The following HNRNPD variants were observed in gnomAD, a reference collection of about 807,000 sequenced individuals.
The protein encoded by HNRNPD is heterogeneous nuclear ribonucleoprotein D0.
A neutral mutation model predicts 47.9 loss-of-function variants in HNRNPD; 3 were observed. The observed-to-expected ratio is 0.06, with a 90% CI of 0.03 to 0.16. HNRNPD has a LOEUF of 0.16. Among genes scored for constraint, HNRNPD ranks in the 10% least tolerant of loss-of-function variants. The probability of loss-of-function intolerance (pLI) is 1.00; values close to 1 mark genes in which losing one functional copy is unlikely to be tolerated. For missense variants in HNRNPD, 287 were observed against 454.2 expected (o/e 0.63, Z 3.35); for synonymous variants, 171 against 165.1 (o/e 1.04, Z -0.28).
chr4:82,370,193 G>A (rs1458900579), intron 2 of HNRNPD, among the ~76,000 whole-genome samples: 1 of 152,050 alleles, frequency 6.6e-6, no homozygotes, highest in Non-Finnish European at 1.5e-5. Context: ...ATGACAGTTG[G>A]TTACTATCTA....
At chr4:82,358,916 G>T (rs975383382) in intron 3 of HNRNPD, 96 bp from the exon 4 acceptor site, 2 of 908,442 alleles carry the variant, frequency 2.2e-6, no homozygotes, top group African/African-American at 3.4e-5. Context: ...TACAGATAAT[G>T]CCAAGCATAT....
In HNRNPD at chr4:82,373,198, C is replaced by A. The variant is rs763965622; in HGVS notation, c.233+248G>T. The A allele has an allele frequency of 3.0e-5, 21 of 689,002 alleles. No individual in the cohort carries two copies. In the Admixed American group the frequency reaches 4.1e-4, roughly 14 times the overall value. The allele number at this position is 689,002 out of a possible 1,614,324, so 42.7% of individuals were successfully genotyped here. A position where few individuals can be genotyped will look rare whatever the true frequency, so the allele number is the denominator to read the frequency against. ...GGCGAGGGAGGAAAGGAGGGCGGGC[C>A]GAGGAGCAGCATGGTGACGGCTAAA... On this transcript the variant is annotated intron_variant, in intron 1 of 8. Coordinates refer to ENST00000313899, the MANE Select transcript of HNRNPD (RefSeq NM_031370.3).
intron 2 of HNRNPD, among the ~76,000 whole-genome samples, chr4:82,360,753 T>C (rs1719367247): frequency 6.6e-6 from 1 of 152,168 alleles, no homozygotes; most frequent in African/African-American, 2.4e-5. Context: ...TTGTGGGCTT[T>C]TAAGATACTG....
rs547802582 is a variant in HNRNPD at position 82,372,596 on chromosome 4, A to G, written c.233+850T>C. On this transcript the variant is annotated intron_variant, in intron 1 of 8. Coordinates refer to ENST00000313899, the MANE Select transcript of HNRNPD (RefSeq NM_031370.3). ...GTACAATCTGTACTAACAGTTGGGG[A>G]ACCCAATAGCTGAGGGCGCGAAAAG... 6.2e-4 allele frequency among the ~76,000 whole-genome samples: 95 copies of G among 152,270 alleles called. 1 individual carries two copies.
chr4:82,370,906 T>C (rs368417288), intron 2 of HNRNPD, among the ~76,000 whole-genome samples: 1 of 151,566 alleles, frequency 6.6e-6, no homozygotes, highest in Admixed American at 6.6e-5. Context: ...TCCAGCCAAA[T>C]CACACTGAAA....
At chr4:82,372,842 G>C (rs1326342810) in intron 1 of HNRNPD, among the ~76,000 whole-genome samples, 1 of 152,180 alleles carries the variant, frequency 6.6e-6, no homozygotes, top group Non-Finnish European at 1.5e-5. Flanking sequence ...TTGTGCGATA[G>C]CGTATGGTGG....
intron 7 of HNRNPD, chr4:82,355,616 T>C (rs986637472): frequency 7.9e-5 from 44 of 558,746 alleles, no homozygotes; most frequent in East Asian, 4.4e-4. Flanking sequence ...ACTTGACTTA[T>C]TGTATAAAAT....
In HNRNPD at chr4:82,373,672, C is replaced by T; in HGVS notation, c.7G>A (p.Glu3Lys). The T allele has an allele frequency of 6.5e-7, 1 of 1,529,864 alleles. No individual in the cohort carries two copies. The highest frequency in any genetic ancestry group is 8.7e-7 in the Non-Finnish European group (1 of 1,144,892). The allele number at this position is 1,529,864 out of a possible 1,614,324, so 94.8% of individuals were successfully genotyped here. MS[E>K]EQFGGDGAAA... ...GCCCCGTCCCCGCCGAACTGCTCCT[C>T]CGACATAGTGCTAGTGTCTCCGCCG... The change falls in exon 1 of 9, where the codon GAG becomes AAG. Residue 3 changes from glutamate (E) to lysine (K), a missense_variant. By Grantham distance (56) the Glu-to-Lys change is moderately conservative. Coordinates refer to ENST00000313899, the MANE Select transcript of HNRNPD (RefSeq NM_031370.3).
chr4:82,359,225 TA>T (rs1723856280), intron 3 of HNRNPD, among the ~76,000 whole-genome samples: 1 of 152,180 alleles, frequency 6.6e-6, no homozygotes, highest in Non-Finnish European at 1.5e-5. Flanking sequence ...TCCTTTTAAC[TA>T]GGCATCTTTA....
chr4:82,363,609 A>G (rs1454221832), intron 2 of HNRNPD, among the ~76,000 whole-genome samples: 4 of 152,350 alleles, frequency 2.6e-5, no homozygotes, highest in Admixed American at 2.0e-4. Flanking sequence ...CAATAAGTTT[A>G]AACTTTGATC....
At position 82,352,919 on chromosome 4, in the gene HNRNPD, A is replaced by AATAATACATTTCTATACTATATAATAAT. The variant is rs1292641947; in HGVS notation, c.*1265_*1266insATTATTATATAGTATAGAAATGTATTAT. The AATAATACATTTCTATACTATATAATAAT allele has an allele frequency of 4.6e-5, 7 of 152,224 alleles. No homozygotes were observed. Among genetic ancestry groups the AATAATACATTTCTATACTATATAATAAT allele is most frequent in the Admixed American group, 1.3e-4 (2 of 15,288 alleles). 9.4% of individuals were successfully genotyped at this position (152,224 alleles called of 1,614,324 possible). A position where few individuals can be genotyped will look rare whatever the true frequency, so the allele number is the denominator to read the frequency against. On this transcript the variant is annotated 3_prime_UTR_variant, in exon 9 of 9. Transcript: ENST00000313899. ...GTATTCCATCACTTCACTACTATAGAACTGTATAATAATACATTTCTCATT... is the reference window on the plus strand; with the variant it reads ...GTATTCCATCACTTCACTACTATAGAATAATACATTTCTATACTATATAATAATACTGTATAATAATACATTTCTCATT...
chr4:82,358,879 A>G (rs983286835), intron 3 of HNRNPD, 59 bp from the exon 4 acceptor site: 35 of 1,234,046 alleles, frequency 2.8e-5, no homozygotes, highest in Admixed American at 9.4e-5. Flanking sequence ...TTCAGAGACT[A>G]TTAACTTACT....
chr4:82,361,243 T>C (rs1393909309), intron 2 of HNRNPD, among the ~76,000 whole-genome samples: 3 of 152,184 alleles, frequency 2.0e-5, no homozygotes, highest in Non-Finnish European at 4.4e-5. Context: ...TAATTTGCTA[T>C]AAACACCTTA....
intron 2 of HNRNPD, among the ~76,000 whole-genome samples, chr4:82,366,164 C>A (rs948690773): frequency 6.6e-6 from 1 of 152,138 alleles, no homozygotes; most frequent in African/African-American, 2.4e-5. Flanking sequence ...AATCTCATTA[C>A]TTCACACTTT....
chr4:82,358,372 T>C, intron 4 of HNRNPD: 1 of 289,098 alleles, frequency 3.5e-6, no homozygotes, highest in Non-Finnish European at 6.4e-6. Context: ...CTCCTTCTAA[T>C]CTAGATTTCT....
intron 2 of HNRNPD, among the ~76,000 whole-genome samples, chr4:82,365,055 GTAT>G (rs1166025878): frequency 1.3e-5 from 2 of 151,964 alleles, no homozygotes; most frequent in Admixed American, 6.6e-5. Context: ...CTATAACTTC[GTAT>G]TATTTTTACT....
chr4:82,365,795 T>G (rs955822854), intron 2 of HNRNPD, among the ~76,000 whole-genome samples: 2 of 141,488 alleles, frequency 1.4e-5, no homozygotes, highest in African/African-American at 2.7e-5. Context: ...TTTTTTTTTT[T>G]GTAGAGACAG....
At position 82,373,483 on chromosome 4, in the gene HNRNPD, C is replaced by A. The variant is rs1328763931; in HGVS notation, c.196G>T (p.Ala66Ser). The change falls in exon 1 of 9, where the codon GCG becomes TCG. Residue 66 changes from alanine (A) to serine (S), a missense_variant. Ala to Ser is a moderately conservative substitution (Grantham distance 99). Transcript: ENST00000313899. ...TEGGSAESEG[A>S]KIDASKNEED... ...TCGTTCTTACTGGCGTCAATCTTCG[C>A]CCCCTCCGACTCGGCGCTGCCCCCT... is the stretch of plus-strand genomic sequence containing the variant. The A allele has an allele frequency of 6.4e-7, 1 of 1,556,248 alleles. No individual in the cohort carries two copies. Among genetic ancestry groups the A allele is most frequent in the South Asian group, 1.2e-5 (1 of 84,606 alleles).
At chr4:82,358,526 T>C (rs1412297900) in intron 4 of HNRNPD, 133 bp downstream of exon 4, 1 of 779,186 alleles carries the variant, frequency 1.3e-6, no homozygotes, top group Non-Finnish European at 2.1e-6. Context: ...GTATTTACAA[T>C]ATCCTTATTC....
Sources: gnomAD v4.1 joint callset for allele counts (sites outside exome capture counted in the v4.1 genomes callset) on GRCh38, gnomAD v4.1.1 for gene constraint, MANE v1.5 for transcripts, NCBI Gene and HGNC (gene_info 2026-07-23, HGNC 2026-07-21) for gene names.